Variants in TAOK1 observed in about 807,000 individuals in gnomAD.
TAOK1 encodes TAO kinase 1, also known as serine/threonine-protein kinase TAO1.
In TAOK1, 21 loss-of-function variants were observed where a neutral mutation model predicts 138.3. The ratio of observed to expected loss-of-function variants is 0.15; its 90% confidence interval spans 0.11 to 0.22. The LOEUF is 0.22. Among genes scored for constraint, TAOK1 ranks in the 10% least tolerant of loss-of-function variants. The pLI, the probability that TAOK1 is intolerant of heterozygous loss-of-function variation, is 1.00. For synonymous variants in TAOK1, 361 were observed against 398.4 expected (o/e 0.91, Z 1.12); for missense variants, 651 against 1,227.7 (o/e 0.53, Z 7.02).
chr17:29,457,979 G>A (rs1027744341), intron 2 of TAOK1, among the ~76,000 whole-genome samples: 3 of 151,916 alleles, frequency 2.0e-5, no homozygotes, highest in Non-Finnish European at 4.4e-5. Context: ...GTGTGGTGGC[G>A]GACGCCTGTA....
At chr17:29,464,822 C>CT (rs547368498) in intron 2 of TAOK1, among the ~76,000 whole-genome samples, 3,610 of 132,056 alleles carry the variant, frequency 0.027, 72 homozygotes, top group African/African-American at 0.038. Flanking sequence ...TAAGCTCTGT[C>CT]TTTTTTTTTT....
intron 8 of TAOK1, among the ~76,000 whole-genome samples, chr17:29,486,067 C>T (rs1252645223): frequency 6.6e-6 from 1 of 152,176 alleles, no homozygotes; most frequent in Non-Finnish European, 1.5e-5. Context: ...GGGAAGATCG[C>T]TTGAGCCCAG....
chr17:29,483,275 G>A (rs2031100386), intron 8 of TAOK1, among the ~76,000 whole-genome samples: 1 of 151,858 alleles, frequency 6.6e-6, no homozygotes, highest in Admixed American at 6.6e-5. Flanking sequence ...ACAGGGTTTC[G>A]CCATGATGCC....
chr17:29,527,448 C>T (rs2032030439), intron 17 of TAOK1, among the ~76,000 whole-genome samples: 1 of 152,112 alleles, frequency 6.6e-6, no homozygotes, highest in African/African-American at 2.4e-5. Context: ...GCCTGGACAA[C>T]AGAGTGAGAC....
chr17:29,518,119 G>A (rs2031850923), intron 16 of TAOK1, among the ~76,000 whole-genome samples: 1 of 152,140 alleles, frequency 6.6e-6, no homozygotes, highest in African/African-American at 2.4e-5. Flanking sequence ...GCCTCCCAAA[G>A]TGCTAGGATT....
intron 15 of TAOK1, chr17:29,514,615 G>T (rs185256877): frequency 7.2e-5 from 11 of 152,200 alleles, no homozygotes; most frequent in Admixed American, 7.2e-4. Flanking sequence ...TCCGGCCTTG[G>T]CGTCCCAAAA....
intron 2 of TAOK1, among the ~76,000 whole-genome samples, chr17:29,456,847 C>A (rs528606118): frequency 6.7e-6 from 1 of 150,210 alleles, no homozygotes; most frequent in Middle Eastern, 3.4e-3. Context: ...CATTCTCCTG[C>A]GTCAGCCCCC....
chr17:29,525,426 AAC>A (rs2031993441), intron 17 of TAOK1, among the ~76,000 whole-genome samples: 1 of 151,114 alleles, frequency 6.6e-6, no homozygotes, highest in Non-Finnish European at 1.5e-5. Flanking sequence ...TTCTTTCTGA[AAC>A]AGAGTTTCGC....
intron 1 of TAOK1, among the ~76,000 whole-genome samples, chr17:29,410,537 GCCA>G (rs1567710568): frequency 6.6e-6 from 1 of 151,242 alleles, no homozygotes; most frequent in Non-Finnish European, 1.5e-5. Flanking sequence ...ACAGGCGCGA[GCCA>G]CCACAACTGG....
At chr17:29,427,716 C>G (rs1387513937) in intron 1 of TAOK1, among the ~76,000 whole-genome samples, 1 of 151,628 alleles carries the variant, frequency 6.6e-6, no homozygotes, top group Non-Finnish European at 1.5e-5. Flanking sequence ...CACTTGAGGT[C>G]AAAAGTTCCA....
intron 2 of TAOK1, among the ~76,000 whole-genome samples, chr17:29,458,490 T>TTTTTG (rs1011573180): frequency 1.7e-4 from 26 of 152,146 alleles, no homozygotes; most frequent in Non-Finnish European, 3.7e-4. Flanking sequence ...AATATGGTTT[T>TTTTTG]TTTTGTTTTG....
chr17:29,397,428 CCT>C (rs1567706551), intron 1 of TAOK1, among the ~76,000 whole-genome samples: 1 of 151,534 alleles, frequency 6.6e-6, no homozygotes, highest in Non-Finnish European at 1.5e-5. Context: ...ATGGTGAAAC[CCT>C]GTCTCTACTA....
At position 29,451,495 on chromosome 17, in the gene TAOK1, A is replaced by C; in HGVS notation, c.-54A>C. 2.0e-6 allele frequency: 3 copies of C among 1,528,280 alleles called. No homozygotes were observed. The highest frequency in any genetic ancestry group is 2.6e-6 in the Non-Finnish European group (3 of 1,139,072). The allele number at this position is 1,528,280 out of a possible 1,614,324, so 94.7% of individuals were successfully genotyped here. ...TGACTTCATTCATACAGATGAACCAAGGATCGGGATAGCAGTATAAAATTA... is the reference window on the plus strand; with the variant it reads ...TGACTTCATTCATACAGATGAACCACGGATCGGGATAGCAGTATAAAATTA... On this transcript the variant is annotated 5_prime_UTR_variant, in exon 2 of 20. Coordinates refer to ENST00000261716, the MANE Select transcript of TAOK1 (RefSeq NM_020791.4).
intron 15 of TAOK1, chr17:29,512,705 CAG>C: frequency 7.6e-6 from 1 of 132,232 alleles, no homozygotes; most frequent in Middle Eastern, 6.1e-3. Context: ...TTTTTGGAGA[CAG>C]AGTCTTGCTC....
chr17:29,428,191 T>G (rs1012385655), intron 1 of TAOK1, among the ~76,000 whole-genome samples: 1 of 152,090 alleles, frequency 6.6e-6, no homozygotes, highest in African/African-American at 2.4e-5. Context: ...AGAGGTAATA[T>G]CTCAAAAGGA....
chr17:29,423,376 C>A (rs374691332), intron 1 of TAOK1, among the ~76,000 whole-genome samples: 2 of 151,466 alleles, frequency 1.3e-5, no homozygotes, highest in Non-Finnish European at 2.9e-5. Context: ...CCACCACGCC[C>A]GGCTAATTTT....
At chr17:29,531,473 C>T (rs2032107664) in intron 18 of TAOK1, among the ~76,000 whole-genome samples, 1 of 30,420 alleles carries the variant, frequency 3.3e-5, no homozygotes, top group Non-Finnish European at 5.7e-5. Flanking sequence ...TTTAAAGGGC[C>T]AGATAAGGCT....
intron 1 of TAOK1, among the ~76,000 whole-genome samples, chr17:29,409,967 G>A (rs762737010): frequency 6.6e-6 from 1 of 152,104 alleles, no homozygotes; most frequent in African/African-American, 2.4e-5. Flanking sequence ...GGCTATTGCT[G>A]TTGGAAGCAC....
At chr17:29,459,729 GA>G (rs2030487663) in intron 2 of TAOK1, among the ~76,000 whole-genome samples, 2 of 152,140 alleles carry the variant, frequency 1.3e-5, no homozygotes, top group Non-Finnish European at 1.5e-5. Context: ...ATATCTCTTT[GA>G]TAATACTAAT....
Sources: allele counts gnomAD v4.1 joint callset (sites outside exome capture counted in the v4.1 genomes callset), GRCh38; gene constraint gnomAD v4.1.1; transcripts MANE v1.5; gene names NCBI Gene and HGNC (gene_info 2026-07-23, HGNC 2026-07-21).